Variants in PDE4A observed in about 807,000 individuals in gnomAD.
PDE4A encodes 3',5'-cyclic-AMP phosphodiesterase 4A.
In PDE4A, 21 loss-of-function variants were observed where a neutral mutation model predicts 73.9. The observed-to-expected ratio is 0.28, with a 90% CI of 0.20 to 0.41. The LOEUF is 0.41. Ranked by LOEUF, PDE4A falls within the 10% of genes least tolerant of loss-of-function variation. The pLI is 1.00. For missense variants in PDE4A, 958 were observed against 1,211.4 expected (o/e 0.79, Z 3.10); for synonymous variants, 463 against 505.4 (o/e 0.92, Z 1.13).
chr19:10,456,029 AC>A (rs139758154), intron 7 of PDE4A, among the ~76,000 whole-genome samples: 21,338 of 142,122 alleles, frequency 0.15, 2,148 homozygotes, highest in African/African-American at 0.3. Context: ...ACTTGGTATG[AC>A]CCCCCCCCAA....
At chr19:10,416,947 AGAG>A (rs2042593760), upstream of PDE4A, 1 of 1,543,860 alleles carries the variant, frequency 6.5e-7, no homozygotes, top group South Asian at 1.2e-5. Context: ...GGCGAGATGA[AGAG>A]GAGTCGCAGT....
chr19:10,420,912 G>A lies in PDE4A; in HGVS notation c.148G>A (p.Asp50Asn). ...CCGTATCCAGCAGCGCGGCTACTCCGACAGCGCGGAGCGCGCCGAGCGGGA... is the reference window on the plus strand; with the variant it reads ...CCGTATCCAGCAGCGCGGCTACTCCAACAGCGCGGAGCGCGCCGAGCGGGA... ...PIRIQQRGYS[D>N]SAERAERERQ... Residue 50 changes from aspartate to asparagine, a missense_variant, in exon 1 of 15, where the codon GAC (aspartate) becomes AAC (asparagine). By Grantham distance (23) the Asp-to-Asn change is conservative (BLOSUM62 1). Transcript: ENST00000380702. This position sits in a 1 kb window ranked among gnomAD's most constrained non-coding sequence, Gnocchi z 6.0. The A allele has an allele frequency of 6.3e-7, 1 of 1,584,850 alleles. No individual in the cohort carries two copies. Among genetic ancestry groups the A allele is most frequent in the Non-Finnish European group, 8.5e-7 (1 of 1,174,286 alleles).
At position 10,461,687 on chromosome 19, in the gene PDE4A, G is replaced by C; in HGVS notation, c.1620+7G>C. On this transcript the variant is annotated splice_region_variant and intron_variant, in intron 12 of 14. Transcript: ENST00000380702. ...CAAGATGGTCATCGACATGGTGGGCGGGGCTGGGGCGGGACGGAGCGGGAA... is the reference window on the plus strand; with the variant it reads ...CAAGATGGTCATCGACATGGTGGGCCGGGCTGGGGCGGGACGGAGCGGGAA... 1 of 1,612,392 alleles carries C rather than the reference G, an allele frequency of 6.2e-7. No homozygotes were observed. Among genetic ancestry groups the C allele is most frequent in the Non-Finnish European group, 8.5e-7 (1 of 1,179,058 alleles).
Position 10,420,549 on chromosome 19 carries a change from G to A in PDE4A, c.-216G>A. 1 of 1,176,132 alleles carries A rather than the reference G, an allele frequency of 8.5e-7. No individual in the cohort carries two copies. The allele number at this position is 1,176,132 out of a possible 1,614,324, so 72.9% of individuals were successfully genotyped here. A position where few individuals can be genotyped will look rare whatever the true frequency, so the allele number is the denominator to read the frequency against. On this transcript the variant is annotated 5_prime_UTR_variant, in exon 1 of 15. Transcript: ENST00000380702. This position sits in a 1 kb window ranked among gnomAD's most constrained non-coding sequence, Gnocchi z 6.0. The stretch of plus-strand genomic sequence containing the variant: ...GCGCGGAGCGCGGAGAGCGCCGCCG[G>A]GCACTGAGCAGAGCTCCAGGCGCCG...
intron 1 of PDE4A, among the ~76,000 whole-genome samples, chr19:10,437,671 G>T (rs1457187810): frequency 6.6e-6 from 1 of 152,048 alleles, no homozygotes; most frequent in Admixed American, 6.6e-5. Flanking sequence ...TCCCACCTCA[G>T]CTTCTCAAAG....
chr19:10,462,636 C>G (rs560782183), intron 13 of PDE4A, among the ~76,000 whole-genome samples: 29 of 151,992 alleles, frequency 1.9e-4, no homozygotes, highest in African/African-American at 6.3e-4. Flanking sequence ...TCTGTCTGTC[C>G]CCTTCTCCAT....
rs1301783804 is a variant in PDE4A at position 10,446,293 on chromosome 19, G to A, written c.396G>A (p.Val132=). 8 of 1,610,672 alleles carry A rather than the reference G, an allele frequency of 5.0e-6. No homozygotes were observed. The highest frequency in any genetic ancestry group is 6.8e-6 in the Non-Finnish European group (8 of 1,178,494). Reference sequence around the variant, plus strand: ...ACTCGCAGGCGAGCCCAGGACTCGTGCTGCACGCCGGGGCGGCCACCAGCC... The same window carrying A: ...ACTCGCAGGCGAGCCCAGGACTCGTACTGCACGCCGGGGCGGCCACCAGCC... ...PLDSQASPGL[V]LHAGAATSQR... Residue 132 remains valine (V), a synonymous_variant, in exon 2 of 15, where the codon GTG becomes GTA. Transcript: ENST00000380702.
intron 1 of PDE4A, among the ~76,000 whole-genome samples, chr19:10,440,829 A>G (rs1013513711): frequency 6.7e-6 from 1 of 149,534 alleles, no homozygotes; most frequent in African/African-American, 2.5e-5. Flanking sequence ...CGATCTCCTG[A>G]CCTCGTGATC....
Position 10,466,003 on chromosome 19 carries a change from C to CT in PDE4A, c.1927-870dup, listed in dbSNP as rs372475097. 1.3e-3 allele frequency among the ~76,000 whole-genome samples: 161 copies of CT among 126,482 alleles called. 1 individual carries two copies. The highest frequency in any genetic ancestry group is 5.3e-3 in the Middle Eastern group (1 of 190). 83.0% of individuals were successfully genotyped at this position (126,482 alleles called of 152,430 possible). ...GGCGTGAGCCACTGCATCCGGCCTA[C>CT]TTTTTTTTTTTTTTCCTGAGACGGA... On this transcript the variant is annotated intron_variant, in intron 14 of 14. Coordinates refer to ENST00000380702, the MANE Select transcript of PDE4A (RefSeq NM_001111307.2).
In PDE4A at chr19:10,457,989, C is replaced by T. The variant is rs922089171; in HGVS notation, c.988C>T (p.Gln330Ter). 6.4e-7 allele frequency: 1 copy of T among 1,567,968 alleles called. No individual in the cohort carries two copies. The highest frequency in any genetic ancestry group is 1.1e-5 in the South Asian group (1 of 90,080). Residue 330 changes from glutamine (Q) to a stop codon, truncating the protein, a stop_gained, in exon 8 of 15, where the codon CAG becomes TAG. Coordinates refer to ENST00000380702, the MANE Select transcript of PDE4A (RefSeq NM_001111307.2). LOFTEE classifies it high-confidence loss of function. ...QPPPPPVPHL[Q>*]PMSQITGLKK... ...GCCCCCGCCCCCTGTACCACACTTACAGCCCATGTCCCAAATCACAGGGTT... is the reference window on the plus strand; with the variant it reads ...GCCCCCGCCCCCTGTACCACACTTATAGCCCATGTCCCAAATCACAGGGTT...
intron 12 of PDE4A, 23 bp downstream of exon 12, chr19:10,461,703 G>C: frequency 6.2e-7 from 1 of 1,611,592 alleles, no homozygotes; most frequent in Non-Finnish European, 8.5e-7. Flanking sequence ...GGGGCGGGAC[G>C]GAGCGGGAAA....
chr19:10,455,282 G>A (rs2043152734), intron 7 of PDE4A, among the ~76,000 whole-genome samples: 1 of 152,038 alleles, frequency 6.6e-6, no homozygotes, highest in African/African-American at 2.4e-5. Flanking sequence ...GGCCAACATG[G>A]TGAAACCCCA....
chr19:10,442,228 G>T (rs2042948057), intron 1 of PDE4A, among the ~76,000 whole-genome samples: 1 of 152,006 alleles, frequency 6.6e-6, no homozygotes, highest in Non-Finnish European at 1.5e-5. Flanking sequence ...TCTCTACTAA[G>T]AAATAAGTTT....
chr19:10,438,144 C>T (rs1482827133), intron 1 of PDE4A, among the ~76,000 whole-genome samples: 4 of 147,162 alleles, frequency 2.7e-5, no homozygotes, highest in East Asian at 2.0e-4. Flanking sequence ...GACGGAGTCT[C>T]GCTCTGTCGC....
At position 10,446,698 on chromosome 19, in the gene PDE4A, A is replaced by C. The variant is rs577542132; in HGVS notation, c.512+289A>C. Among the ~76,000 whole-genome samples the C allele has an allele frequency of 3.3e-5, 5 of 150,558 alleles. No individual in the cohort carries two copies. The South Asian group carries it at 1.1e-3, about 32-fold the overall frequency. ...CAACCTCCGCCTCCTGGGTTCAAGC[A>C]ATTCTCCTGCCTCAGCCTCCCGAGT... On this transcript the variant is annotated intron_variant, in intron 2 of 14. Transcript: ENST00000380702.
At chr19:10,455,912 A>C (rs372552897) in intron 7 of PDE4A, among the ~76,000 whole-genome samples, 1 of 152,154 alleles carries the variant, frequency 6.6e-6, no homozygotes, top group Non-Finnish European at 1.5e-5. Context: ...CAAACTCAGT[A>C]GAGTTCTCAA....
rs1312790441 is a variant in PDE4A, at chr19:10,453,447, C to G, written c.784-1382C>G. The G allele has an allele frequency of 7.8e-6, 10 of 1,278,086 alleles. No homozygotes were observed. The highest frequency in any genetic ancestry group is 1.1e-5 in the Non-Finnish European group (10 of 949,412). The allele number at this position is 1,278,086 out of a possible 1,614,324, so 79.2% of individuals were successfully genotyped here. The stretch of plus-strand genomic sequence containing the variant: ...TGGAGATGAAGCCTTGTGACTGTCT[C>G]TGTGTGTGGCCCAGGGCTGGGCGTG... On this transcript the variant is annotated intron_variant, in intron 6 of 14. Transcript: ENST00000380702. This position sits in a 1 kb window ranked among gnomAD's most constrained non-coding sequence, Gnocchi z 4.6.
rs200879302 is a variant in PDE4A at position 10,467,085 on chromosome 19, T to C, written c.2125T>C (p.Phe709Leu). Reference sequence around the variant, plus strand: ...CCCACCCCTGCCTGACAAGTTCCAGTTTGAGCTGACGCTGGAGGAGGAAGA... The same window carrying C: ...CCCACCCCTGCCTGACAAGTTCCAGCTTGAGCTGACGCTGGAGGAGGAAGA... ...GHPPLPDKFQFELTLEEEEEE... is the reference protein window; with the variant it reads ...GHPPLPDKFQLELTLEEEEEE... Residue 709 changes from phenylalanine to leucine, a missense_variant, in exon 15 of 15, where the codon TTT (phenylalanine) becomes CTT (leucine). Physicochemically the swap from Phe to Leu is conservative, Grantham distance 22. Around this residue, in one of 3 missense-constraint regions of PDE4A, gnomAD observed 243 missense variants for 245.9 expected, o/e 0.99. Coordinates refer to ENST00000380702, the MANE Select transcript of PDE4A (RefSeq NM_001111307.2). 8.4e-5 allele frequency: 135 copies of C among 1,613,892 alleles called. 2 individuals carry two copies. The South Asian group carries it at 1.5e-3, about 17-fold the overall frequency.
chr19:10,434,676 T>C (rs2042841053), intron 1 of PDE4A, among the ~76,000 whole-genome samples: 1 of 152,020 alleles, frequency 6.6e-6, no homozygotes, highest in African/African-American at 2.4e-5. Context: ...CTGCAATCTG[T>C]GCCTCCTGGG....
Sources: gnomAD v4.1 joint callset for allele counts (sites outside exome capture counted in the v4.1 genomes callset) on GRCh38, gnomAD v4.1.1 for gene constraint, gnomAD v4.1.1 regional missense constraint, Gnocchi (gnomAD v3.1) non-coding constraint, MANE v1.5 for transcripts, NCBI Gene and HGNC (gene_info 2026-07-23, HGNC 2026-07-21) for gene names.